Variants in CDH13 observed in about 807,000 individuals in gnomAD.
The protein encoded by CDH13 is cadherin-13.
A neutral mutation model predicts 63.8 loss-of-function variants in CDH13; 24 were observed. That is an observed-to-expected ratio of 0.38 (90% CI 0.27 to 0.53). CDH13 has a LOEUF of 0.53. Among genes scored for constraint, CDH13 ranks in the 20% least tolerant of loss-of-function variants. The probability of loss-of-function intolerance (pLI) is 0.85; values close to 1 mark genes in which losing one functional copy is unlikely to be tolerated. For missense variants in CDH13, 1,049 were observed against 903.1 expected, an observed-to-expected ratio of 1.16 and a Z score of -2.07; for synonymous variants, 503 against 355.3, an observed-to-expected ratio of 1.42 and a Z score of -4.67.
At chr16:83,118,126 G>T (rs1567846945) in intron 3 of CDH13, among the ~76,000 whole-genome samples, 2 of 152,176 alleles carry the variant, frequency 1.3e-5, no homozygotes, top group East Asian at 1.9e-4. Context: ...CTAGGCTAAA[G>T]ATGCTGCGGA....
At chr16:83,435,167 C>T (rs1239707764) in intron 6 of CDH13, among the ~76,000 whole-genome samples, 2 of 151,720 alleles carry the variant, frequency 1.3e-5, no homozygotes, top group Non-Finnish European at 2.9e-5. Context: ...CTGCCTCAGC[C>T]ACCTGAGTAG....
chr16:83,599,050 GC>G (rs1311310250), intron 7 of CDH13, among the ~76,000 whole-genome samples: 1 of 152,186 alleles, frequency 6.6e-6, no homozygotes, highest in African/African-American at 2.4e-5. Context: ...AGTGGGGTCA[GC>G]CCCACCCACC....
intron 2 of CDH13, among the ~76,000 whole-genome samples, chr16:82,972,019 G>T (rs1908830731): frequency 6.6e-6 from 1 of 152,174 alleles, no homozygotes; most frequent in Non-Finnish European, 1.5e-5. Flanking sequence ...AAGCTTATTT[G>T]TATTTCACAG....
chr16:83,060,472 C>A (rs1811742454), intron 3 of CDH13, among the ~76,000 whole-genome samples: 1 of 152,188 alleles, frequency 6.6e-6, no homozygotes, highest in Non-Finnish European at 1.5e-5. Context: ...TGAGCCCTTA[C>A]TCCAAACCAG....
intron 4 of CDH13, among the ~76,000 whole-genome samples, chr16:83,169,136 G>T (rs1335554418): frequency 1.3e-5 from 2 of 151,944 alleles, no homozygotes; most frequent in African/African-American, 4.8e-5. Flanking sequence ...TATGGCATAT[G>T]ACAGTCCCTG....
intron 1 of CDH13, among the ~76,000 whole-genome samples, chr16:82,676,524 TG>T (rs1194574642): frequency 2.1e-5 from 3 of 144,516 alleles, no homozygotes; most frequent in Non-Finnish European, 3.0e-5. Flanking sequence ...AATATCAATC[TG>T]GCCCCCCAGA....
chr16:83,652,236 A>G (rs1912450974), intron 8 of CDH13, among the ~76,000 whole-genome samples: 1 of 152,230 alleles, frequency 6.6e-6, no homozygotes, highest in Non-Finnish European at 1.5e-5. Flanking sequence ...TTGGAATTTA[A>G]ATGCAAATTA....
At chr16:83,348,816 C>T (rs958542185) in intron 6 of CDH13, among the ~76,000 whole-genome samples, 4 of 152,216 alleles carry the variant, frequency 2.6e-5, no homozygotes, top group South Asian at 2.1e-4. Flanking sequence ...CAACATGCTT[C>T]ACCCAGTGCT....
chr16:83,791,382 G>A (rs9923503), intron 13 of CDH13, among the ~76,000 whole-genome samples: 18,803 of 151,980 alleles, frequency 0.12, 1,738 homozygotes, highest in African/African-American at 0.27. Context: ...TGTAATCCCA[G>A]CTACTCAGGA....
chr16:82,920,704 C>G (rs934567488), intron 2 of CDH13, among the ~76,000 whole-genome samples: 4 of 152,192 alleles, frequency 2.6e-5, no homozygotes, highest in Non-Finnish European at 5.9e-5. Flanking sequence ...CTCACACACT[C>G]TCTTTTTTCC....
At chr16:83,279,725 A>C (rs2089104567) in intron 5 of CDH13, among the ~76,000 whole-genome samples, 1 of 152,204 alleles carries the variant, frequency 6.6e-6, no homozygotes, top group South Asian at 2.1e-4. Flanking sequence ...GAGATCTAAA[A>C]GTGAGAAGCA....
At chr16:82,751,703 TAAA>T (rs33998437) in intron 1 of CDH13, among the ~76,000 whole-genome samples, 8 of 139,928 alleles carry the variant, frequency 5.7e-5, no homozygotes, top group Admixed American at 1.4e-4. Context: ...GGAAAACAGG[TAAA>T]AAAAAAAAAA....
Position 83,236,851 on chromosome 16 carries a change from C to T in CDH13, c.636+19354C>T, listed in dbSNP as rs887882259. Reference sequence around the variant, plus strand: ...GGGCCTACTTATAGGTCTGGGTTTCCCTTTGAAGTCATGGAAATGTTTTGG... The same window carrying T: ...GGGCCTACTTATAGGTCTGGGTTTCTCTTTGAAGTCATGGAAATGTTTTGG... On this transcript the variant is annotated intron_variant, in intron 5 of 13. Transcript: ENST00000567109. Among the ~76,000 whole-genome samples the T allele has an allele frequency of 3.9e-5, 6 of 152,004 alleles. No homozygotes were observed. In the South Asian group the frequency reaches 1.2e-3, roughly 32 times the overall value.
intron 7 of CDH13, among the ~76,000 whole-genome samples, chr16:83,598,604 T>A (rs1479897937): frequency 6.6e-6 from 1 of 152,174 alleles, no homozygotes; most frequent in African/African-American, 2.4e-5. Context: ...AAAACTGCCT[T>A]ATTCCTACCT....
chr16:82,887,895 C>A (rs891728520), intron 2 of CDH13, among the ~76,000 whole-genome samples: 5 of 152,060 alleles, frequency 3.3e-5, no homozygotes, highest in African/African-American at 4.8e-5. Context: ...TCCCTAGCAA[C>A]CCAAGGTTAA....
chr16:83,417,300 C>T (rs1017918258), intron 6 of CDH13, among the ~76,000 whole-genome samples: 5 of 152,154 alleles, frequency 3.3e-5, no homozygotes, highest in African/African-American at 7.2e-5. Context: ...CCTCCCTTTC[C>T]GGTTTTCTCC....
intron 1 of CDH13, among the ~76,000 whole-genome samples, chr16:82,712,973 C>T (rs2032068877): frequency 6.6e-6 from 1 of 152,106 alleles, no homozygotes; most frequent in Admixed American, 6.6e-5. Context: ...TCTATTGACC[C>T]TCAGGCATGA....
At chr16:82,728,873 G>A (rs2875715) in intron 1 of CDH13, among the ~76,000 whole-genome samples, 150,493 of 152,304 alleles carry the variant, frequency 0.99, 74,375 homozygotes, top group Middle Eastern at 1. Context: ...CTACTGCTTT[G>A]TCAACTGGTT....
chr16:83,569,255 A>G (rs552865412), intron 7 of CDH13, among the ~76,000 whole-genome samples: 2 of 151,998 alleles, frequency 1.3e-5, no homozygotes, highest in East Asian at 3.9e-4. Context: ...GTCCCCACCA[A>G]ACCTCCCCTC....
Sources: gnomAD v4.1 joint callset for allele counts (sites outside exome capture counted in the v4.1 genomes callset) on GRCh38, gnomAD v4.1.1 for gene constraint, MANE v1.5 for transcripts, NCBI Gene and HGNC (gene_info 2026-07-23, HGNC 2026-07-21) for gene names.